The following SLC2A9 variants were observed in gnomAD, a reference collection of about 807,000 sequenced individuals.
The protein encoded by SLC2A9 is solute carrier family 2, facilitated glucose transporter member 9.
In SLC2A9, 39 loss-of-function variants were observed where a neutral mutation model predicts 50.6. The ratio of observed to expected loss-of-function variants is 0.77; its 90% CI spans 0.60 to 1.01. SLC2A9 has a LOEUF of 1.01. SLC2A9 is among the 50% of genes least tolerant of loss of function. The probability of loss-of-function intolerance (pLI) is 0.00; values close to 1 mark genes in which losing one functional copy is unlikely to be tolerated. For missense variants in SLC2A9, 686 were observed against 677.6 expected (o/e 1.01, Z -0.14); for synonymous variants, 324 against 276.9 (o/e 1.17, Z -1.69).
At chr4:9,774,640 T>G (rs1388967364) in intron 1 of SLC2A9, among the ~76,000 whole-genome samples, 1 of 152,172 alleles carries the variant, frequency 6.6e-6, no homozygotes, top group African/African-American at 2.4e-5. Context: ...ACTTATTGAC[T>G]TTTGTAACTG....
chr4:10,040,081 A>T (rs1234151900), intron 1 of SLC2A9: 1 of 152,204 alleles, frequency 6.6e-6, no homozygotes, highest in Non-Finnish European at 1.5e-5. Flanking sequence ...CATTCCCCCA[A>T]CCAGGAGCAC....
intron 5 of SLC2A9, among the ~76,000 whole-genome samples, chr4:9,976,743 T>C (rs1450887703): frequency 6.6e-6 from 1 of 152,234 alleles, no homozygotes; most frequent in East Asian, 1.9e-4. Flanking sequence ...GCTGGCATCA[T>C]GTTCATGAGC....
intron 10 of SLC2A9, chr4:9,879,934 A>G: frequency 1.0e-6 from 1 of 985,414 alleles, no homozygotes; most frequent in Non-Finnish European, 1.2e-6. Flanking sequence ...GCTTTCACCT[A>G]ATTTCAACTC....
chr4:9,787,842 A>T (rs961792294), intron 3 of SLC2A9, among the ~76,000 whole-genome samples: 8 of 152,194 alleles, frequency 5.3e-5, no homozygotes, highest in African/African-American at 1.9e-4. Context: ...CCTGTAGCTC[A>T]TGGCATGAGG....
chr4:9,856,704 G>T (rs1218927325), intron 10 of SLC2A9, among the ~76,000 whole-genome samples: 1 of 152,152 alleles, frequency 6.6e-6, no homozygotes, highest in Non-Finnish European at 1.5e-5. Flanking sequence ...CAAAGACATA[G>T]AGTCAACATA....
intron 7 of SLC2A9, among the ~76,000 whole-genome samples, chr4:9,910,115 C>T (rs1365726851): frequency 2.6e-5 from 4 of 152,240 alleles, no homozygotes; most frequent in South Asian, 2.1e-4. Context: ...GTGAAAACTA[C>T]GACACCCATT....
intron 3 of SLC2A9, among the ~76,000 whole-genome samples, chr4:9,992,326 T>G (rs1757850903): frequency 6.6e-6 from 1 of 152,240 alleles, no homozygotes; most frequent in Admixed American, 6.5e-5. Context: ...TTTGCCAGGA[T>G]TTTCTAACCT....
At chr4:9,835,711 G>T (rs914719312) in intron 10 of SLC2A9, among the ~76,000 whole-genome samples, 2 of 152,182 alleles carry the variant, frequency 1.3e-5, no homozygotes, top group African/African-American at 2.4e-5. Flanking sequence ...AAATGGGAGT[G>T]AGTCCAGGAA....
At chr4:9,791,091 A>T (rs1417103098) in intron 3 of SLC2A9, among the ~76,000 whole-genome samples, 1 of 152,226 alleles carries the variant, frequency 6.6e-6, no homozygotes, top group Non-Finnish European at 1.5e-5. Flanking sequence ...AGAACCCTAG[A>T]GGTCCTTTTA....
At chr4:9,860,257 A>C (rs1411308497) in intron 10 of SLC2A9, among the ~76,000 whole-genome samples, 1 of 152,080 alleles carries the variant, frequency 6.6e-6, no homozygotes, top group African/African-American at 2.4e-5. Context: ...CCTGCCTTCG[A>C]GGCTGTTGGG....
chr4:9,793,678 G>GT (rs1433415346), intron 3 of SLC2A9, among the ~76,000 whole-genome samples: 2 of 152,136 alleles, frequency 1.3e-5, no homozygotes, highest in East Asian at 1.9e-4. Context: ...TCAAAGGCCT[G>GT]TTTTTTGTTT....
intron 7 of SLC2A9, among the ~76,000 whole-genome samples, chr4:9,915,352 C>T (rs1335348242): frequency 6.6e-6 from 1 of 152,222 alleles, no homozygotes; most frequent in Admixed American, 6.5e-5. Context: ...ATTCTCCTGC[C>T]TCAGCCTCCT....
chr4:9,779,035 G>T (rs969781920), downstream of SLC2A9, among the ~76,000 whole-genome samples: 1 of 152,038 alleles, frequency 6.6e-6, no homozygotes, highest in Non-Finnish European at 1.5e-5. Context: ...CACAGTGCTG[G>T]GATTACAGGC....
chr4:9,919,642 G>A (rs187008282), intron 7 of SLC2A9, among the ~76,000 whole-genome samples: 1 of 152,240 alleles, frequency 6.6e-6, no homozygotes, highest in Admixed American at 6.5e-5. Context: ...TGACATGAGT[G>A]ACCTCAGAGG....
chr4:9,859,506 A>G (rs1731262807), intron 10 of SLC2A9, among the ~76,000 whole-genome samples: 1 of 152,248 alleles, frequency 6.6e-6, no homozygotes, highest in African/African-American at 2.4e-5. Context: ...ATAGAAATTG[A>G]TAAATGGTTT....
At position 10,029,943 on chromosome 4, in the gene SLC2A9, AT is replaced by A. The variant is rs1232915724; in HGVS notation, c.-40-3938del. ...GAGCCACCATGGCTGGCAGAGATAA[AT>A]TTTTTTTTTAAAGCTCCTTGGGCTG... On this transcript the variant is annotated intron_variant, in intron 1 of 12. Transcript: ENST00000309065. Among the ~76,000 whole-genome samples the A allele has an allele frequency of 4.0e-5, 6 of 151,244 alleles. No individual in the cohort carries two copies. In the East Asian group the frequency reaches 7.7e-4, roughly 19 times the overall value.
intron 1 of SLC2A9, among the ~76,000 whole-genome samples, chr4:10,036,525 C>G (rs763136535): frequency 6.6e-6 from 1 of 152,234 alleles, no homozygotes; most frequent in Non-Finnish European, 1.5e-5. Context: ...TTTCAATATT[C>G]TCTTTACCCT....
In SLC2A9 at chr4:9,942,388, CCTT is replaced by C. The variant is rs1256304259; in HGVS notation, c.682-346_682-344del. ...GTGAGCCTGGGGGATCTTAGGGTCT[CCTT>C]CTCTTCAACACCAGGGCTGCCTCCC... On this transcript the variant is annotated intron_variant, in intron 5 of 11. Transcript: ENST00000264784. 2.0e-5 allele frequency among the ~76,000 whole-genome samples: 3 copies of C among 152,180 alleles called. No homozygotes were observed. In the East Asian group the frequency reaches 5.8e-4, roughly 29 times the overall value.
intron 5 of SLC2A9, among the ~76,000 whole-genome samples, chr4:9,965,181 A>C (rs1382661267): frequency 6.6e-6 from 1 of 152,206 alleles, no homozygotes; most frequent in Non-Finnish European, 1.5e-5. Flanking sequence ...GAGGTTAGCA[A>C]CTTGCCCAAA....
Sources: allele counts gnomAD v4.1 joint callset (sites outside exome capture counted in the v4.1 genomes callset), GRCh38; gene constraint gnomAD v4.1.1; transcripts MANE v1.5; gene names NCBI Gene and HGNC (gene_info 2026-07-23, HGNC 2026-07-21).